Variants in DNAH3 observed in about 807,000 individuals in gnomAD.
DNAH3 encodes the protein axonemal beta dynein heavy chain 3.
Under a neutral mutation model 432.5 loss-of-function variants are expected in DNAH3, and 332 were observed. The observed-to-expected ratio is 0.77, with a 90% CI of 0.70 to 0.84. The LOEUF (loss-of-function observed/expected upper bound fraction) is 0.84. Among genes scored for constraint, DNAH3 ranks in the 40% least tolerant of loss-of-function variants. The probability of loss-of-function intolerance (pLI) is 0.00; values close to 1 mark genes in which losing one functional copy is unlikely to be tolerated. For synonymous variants in DNAH3, 1,956 were observed against 1,900.2 expected (o/e 1.03, Z -0.76); for missense variants, 4,861 against 5,114.0 (o/e 0.95, Z 1.51).
At chr16:20,966,734 A>G (rs1010180223) in intron 52 of DNAH3, among the ~76,000 whole-genome samples, 1 of 152,178 alleles carries the variant, frequency 6.6e-6, no homozygotes, top group African/African-American at 2.4e-5. Context: ...AGTTTCGAAT[A>G]TCCTTCCCTA....
chr16:20,959,608 TAAAC>T (rs760500611), intron 53 of DNAH3, among the ~76,000 whole-genome samples: 2,985 of 109,518 alleles, frequency 0.027, 54 homozygotes, highest in Middle Eastern at 0.044. Flanking sequence ...TGTCTCTATT[TAAAC>T]ACACACACAC....
intron 31 of DNAH3, 78 bp downstream of exon 31, chr16:21,049,491 T>A: frequency 8.8e-7 from 1 of 1,130,108 alleles, no homozygotes. Context: ...TAAGGCCCTG[T>A]TATTAAGGGG....
Position 21,000,481 on chromosome 16 carries a change from C to T in DNAH3, c.6164G>A (p.Arg2055Gln), listed in dbSNP as rs149281268. The change falls in exon 43 of 62, where the codon CGG becomes CAG. Residue 2055 changes from arginine to glutamine, a missense_variant. By Grantham distance (43) the Arg-to-Gln change is conservative. Coordinates refer to ENST00000261383, the Ensembl canonical transcript of DNAH3. ...GTAGGTTTTCAAGAAGAAGGACTGC[C>T]GGGCTGTCTCCATTGTGGGGATGAT... The T allele has an allele frequency of 4.2e-5, 67 of 1,612,618 alleles. No individual in the cohort carries two copies. The highest frequency in any genetic ancestry group is 5.2e-5 in the Non-Finnish European group (61 of 1,179,146).
Position 20,987,978 on chromosome 16 carries a change from C to T in DNAH3, c.6689G>A (p.Trp2230Ter). 6.2e-7 allele frequency: 1 copy of T among 1,614,146 alleles called. No individual in the cohort carries two copies. The highest frequency in any genetic ancestry group is 8.5e-7 in the Non-Finnish European group (1 of 1,180,030). The change falls in exon 45 of 62, where the codon TGG becomes TAG. Residue 2230 changes from tryptophan (W) to a stop codon, truncating the protein, a stop_gained. Coordinates refer to ENST00000261383, the Ensembl canonical transcript of DNAH3. LOFTEE classifies it high-confidence loss of function. ...CACATCAAACCCTTTCCCGAAGTGC[C>T]AGTCAACAATCGAACTGAAAATCTT... is the stretch of plus-strand genomic sequence containing the variant.
At chr16:21,018,566 G>A (rs1298915563) in intron 41 of DNAH3, among the ~76,000 whole-genome samples, 1 of 152,210 alleles carries the variant, frequency 6.6e-6, no homozygotes. Context: ...GACAATGTAT[G>A]TAGTGAAATT....
In DNAH3 at chr16:21,131,811, G is replaced by A. The variant is rs552456347; in HGVS notation, c.1082+2448C>T. Reference sequence around the variant, plus strand: ...AGAGGTTGCGGTGAGCCAAGATCGCGCCATTGCACTCCAGCCTGGGCAACA... The same window carrying A: ...AGAGGTTGCGGTGAGCCAAGATCGCACCATTGCACTCCAGCCTGGGCAACA... On this transcript the variant is annotated intron_variant, in intron 7 of 61. Transcript: ENST00000261383. 2.1e-3 allele frequency among the ~76,000 whole-genome samples: 298 copies of A among 141,752 alleles called. 1 individual carries two copies. Among genetic ancestry groups the A allele is most frequent in the South Asian group, 0.014 (61 of 4,504 alleles). The allele number at this position is 141,752 out of a possible 152,430, so 93.0% of individuals were successfully genotyped here. A position where few individuals can be genotyped will look rare whatever the true frequency, so the allele number is the denominator to read the frequency against.
At chr16:21,051,026 A>C (rs2152743288) in intron 29 of DNAH3, among the ~76,000 whole-genome samples, 1 of 152,316 alleles carries the variant, frequency 6.6e-6, no homozygotes, top group African/African-American at 2.4e-5. Flanking sequence ...TTGAATAATA[A>C]GTGGAATAAA....
intron 7 of DNAH3, 95 bp from the exon 9 acceptor site, chr16:21,127,907 AT>A (rs2092475495): frequency 1.4e-6 from 2 of 1,438,146 alleles, no homozygotes; most frequent in South Asian, 2.4e-5. Context: ...ACGTTTCTCA[AT>A]GAAAGTTAAG....
In DNAH3 at chr16:21,140,782, C is replaced by T. The variant is rs2092708733; in HGVS notation, c.522-72G>A. 7 of 1,448,976 alleles carry T rather than the reference C, an allele frequency of 4.8e-6. No individual in the cohort carries two copies. In the Admixed American group the frequency reaches 1.3e-4, roughly 26 times the overall value. 89.8% of individuals were successfully genotyped at this position (1,448,976 alleles called of 1,614,324 possible). ...AGGTGCTGTGGTGTTGCCTACTTTCCCTAGCCTGATGAGTGTGGTTCTGCA... is the reference window on the plus strand; with the variant it reads ...AGGTGCTGTGGTGTTGCCTACTTTCTCTAGCCTGATGAGTGTGGTTCTGCA... On this transcript the variant is annotated intron_variant, in intron 4 of 61. Transcript: ENST00000261383.
At chr16:20,972,393 A>G (rs1017522692) in intron 51 of DNAH3, among the ~76,000 whole-genome samples, 1 of 151,684 alleles carries the variant, frequency 6.6e-6, no homozygotes, top group Admixed American at 6.6e-5. Context: ...CACCTGACCA[A>G]TTTTTTTCTT....
In DNAH3 at chr16:21,036,698, G is replaced by C. The variant is rs761066325; in HGVS notation, c.5085+16C>G. 1 of 1,611,680 alleles carries C rather than the reference G, an allele frequency of 6.2e-7. No individual in the cohort carries two copies. The highest frequency in any genetic ancestry group is 2.2e-5 in the East Asian group (1 of 44,866). On this transcript the variant is annotated intron_variant, in intron 35 of 61. Coordinates refer to ENST00000261383, the Ensembl canonical transcript of DNAH3. ...AACAGTAAAACAGGCACATTTATAT[G>C]GGCTAAGGAACCAACCTGGATAATT...
At position 21,133,119 on chromosome 16, in the gene DNAH3, A is replaced by G. The variant is rs113074574; in HGVS notation, c.1082+1140T>C. 4.8e-3 allele frequency among the ~76,000 whole-genome samples: 729 copies of G among 152,096 alleles called. 5 individuals are homozygous for G. Among genetic ancestry groups the G allele is most frequent in the African/African-American group, 0.016 (671 of 41,480 alleles). ...GTAATCCCAGAACTTTGGGGTGCCG[A>G]TGTGGGTGGATTGCTTGAGCTTAGG... On this transcript the variant is annotated intron_variant, in intron 7 of 61. Transcript: ENST00000261383.
chr16:21,157,338 T>TC (rs1491029980), intron 1 of DNAH3, among the ~76,000 whole-genome samples: 1 of 31,316 alleles, frequency 3.2e-5, no homozygotes, highest in Non-Finnish European at 5.1e-5. Context: ...GATTGCTTCT[T>TC]TTTTTTTTTT....
chr16:21,107,399 C>T (rs1022885260), intron 14 of DNAH3, among the ~76,000 whole-genome samples: 8 of 151,848 alleles, frequency 5.3e-5, no homozygotes, highest in Non-Finnish European at 1.2e-4. Flanking sequence ...GCCACCATAC[C>T]CGGCTAATTT....
intron 59 of DNAH3, among the ~76,000 whole-genome samples, chr16:20,939,073 T>TCC (rs1318918118): frequency 3.9e-5 from 6 of 152,010 alleles, no homozygotes; most frequent in Admixed American, 6.6e-5. Context: ...TGGCTTGCTG[T>TCC]CCTTTATAGA....
exon 53 of DNAH3, chr16:20,963,434 T>C: frequency 6.2e-7 from 1 of 1,614,152 alleles, no homozygotes; most frequent in Non-Finnish European, 8.5e-7. Flanking sequence ...GCTGGCACCA[T>C]TTTGTCAGGC....
intron 57 of DNAH3, among the ~76,000 whole-genome samples, chr16:20,947,881 T>A (rs2084121636): frequency 6.6e-6 from 1 of 152,016 alleles, no homozygotes; most frequent in Admixed American, 6.6e-5. Flanking sequence ...GTTCAAGCAA[T>A]TCCCCTGCCT....
chr16:20,959,545 G>A, intron 53 of DNAH3, 141 bp from the exon 54 acceptor site: 1 of 771,368 alleles, frequency 1.3e-6, no homozygotes, highest in Non-Finnish European at 2.0e-6. Flanking sequence ...CGAGGTGGGA[G>A]GATCACTTGA....
chr16:21,073,919 C>T (rs142506395), intron 21 of DNAH3, among the ~76,000 whole-genome samples: 6 of 152,156 alleles, frequency 3.9e-5, no homozygotes, highest in African/African-American at 1.2e-4. Context: ...TTATACCATA[C>T]GCTTTTGTTC....
Sources: allele counts gnomAD v4.1 joint callset (sites outside exome capture counted in the v4.1 genomes callset), GRCh38; gene constraint gnomAD v4.1.1; transcripts MANE v1.5; gene names NCBI Gene and HGNC (gene_info 2026-07-23, HGNC 2026-07-21).